PSMD14: variants seen among roughly 807,000 people sequenced by gnomAD.
PSMD14 encodes the protein proteasome 26S subunit, non-ATPase 14, also known as ubiquitin C-terminal hydrolase PSMD14.
A neutral mutation model predicts 41.2 loss-of-function variants in PSMD14; 7 were observed. That is an observed-to-expected ratio of 0.17 (90% CI 0.10 to 0.32). PSMD14 has a LOEUF of 0.32. Among genes scored for constraint, PSMD14 ranks in the 10% least tolerant of loss-of-function variants. The pLI, the probability that PSMD14 is intolerant of heterozygous loss-of-function variation, is 1.00. For synonymous variants in PSMD14, 114 were observed against 122.3 expected, an observed-to-expected ratio of 0.93 and a Z score of 0.45; for missense variants, 139 against 375.6, an observed-to-expected ratio of 0.37 and a Z score of 5.21.
At chr2:161,322,710 A>T (rs1286234639) in intron 3 of PSMD14, among the ~76,000 whole-genome samples, 1 of 151,956 alleles carries the variant, frequency 6.6e-6, no homozygotes, top group Admixed American at 6.6e-5. Flanking sequence ...TTTTTAATGG[A>T]GGAATTCACA....
chr2:161,338,453 A>G (rs1432477343), intron 3 of PSMD14, among the ~76,000 whole-genome samples: 1 of 150,700 alleles, frequency 6.6e-6, no homozygotes, highest in East Asian at 1.9e-4. Context: ...GAGCTGCTGT[A>G]CTCATATTAT....
chr2:161,370,062 T>C (rs900696694), intron 5 of PSMD14, 45 bp from the exon 6 acceptor site: 3 of 1,438,196 alleles, frequency 2.1e-6, no homozygotes, highest in Non-Finnish European at 1.9e-6. Context: ...AAGCTTTTTT[T>C]CCAAATTTAC....
intron 7 of PSMD14, among the ~76,000 whole-genome samples, chr2:161,377,547 C>G (rs1350095354): frequency 6.6e-6 from 1 of 151,742 alleles, no homozygotes; most frequent in Non-Finnish European, 1.5e-5. Flanking sequence ...AAATTGTCTG[C>G]TAGGAATGTA....
At chr2:161,325,314 A>T (rs1430453242) in intron 3 of PSMD14, among the ~76,000 whole-genome samples, 2 of 151,760 alleles carry the variant, frequency 1.3e-5, no homozygotes, top group African/African-American at 4.8e-5. Context: ...GTGGCTAGAT[A>T]AAAAAAAATT....
intron 2 of PSMD14, 93 bp from the exon 3 acceptor site, chr2:161,318,729 A>T (rs1041191714): frequency 2.2e-6 from 2 of 900,190 alleles, no homozygotes; most frequent in Admixed American, 2.2e-5. Flanking sequence ...AATATTTTTG[A>T]CATACTGAGT....
chr2:161,358,269 A>G (rs1683234988), intron 3 of PSMD14, among the ~76,000 whole-genome samples: 1 of 152,192 alleles, frequency 6.6e-6, no homozygotes. Flanking sequence ...TAGGACATGT[A>G]TAATTTGTCC....
At position 161,367,801 on chromosome 2, in the gene PSMD14, T is replaced by G; in HGVS notation, c.138T>G (p.Arg46=). The change falls in exon 5 of 12, where the codon CGT becomes CGG. Residue 46 remains arginine (R), a synonymous_variant. Coordinates refer to ENST00000409682, the MANE Select transcript of PSMD14 (RefSeq NM_005805.6). ...TTCTACAGATGTTAAAACATGGCCG[T>G]GCTGGAGTTCCAATGGAAGTTATGG... ...LALLKMLKHG[R]AGVPMEVMGL... is the part of the protein sequence containing the mutation. 6.2e-7 allele frequency: 1 copy of G among 1,613,550 alleles called. No homozygotes were observed.
intron 10 of PSMD14, chr2:161,408,485 A>G: frequency 4.1e-6 from 1 of 245,318 alleles, no homozygotes; most frequent in South Asian, 5.2e-5. Context: ...AGAGCAACAG[A>G]ACAGAATTAG....
chr2:161,310,238 A>T (rs1689073169), intron 1 of PSMD14, among the ~76,000 whole-genome samples: 1 of 152,248 alleles, frequency 6.6e-6, no homozygotes, highest in South Asian at 2.1e-4. Context: ...GTGCTTGTTA[A>T]TATATAGTTT....
intron 7 of PSMD14, among the ~76,000 whole-genome samples, chr2:161,373,575 AATAGT>A (rs1338292419): frequency 1.3e-5 from 2 of 151,928 alleles, no homozygotes; most frequent in Non-Finnish European, 2.9e-5. Flanking sequence ...AAAAATGAAG[AATAGT>A]ATAAGAGTCT....
At chr2:161,389,332 G>A (rs1683675575) in intron 8 of PSMD14, among the ~76,000 whole-genome samples, 1 of 152,168 alleles carries the variant, frequency 6.6e-6, no homozygotes, top group African/African-American at 2.4e-5. Flanking sequence ...GCCAGACTAT[G>A]TCTGCTTAGA....
chr2:161,340,923 T>C, intron 3 of PSMD14: 1 of 1,613,764 alleles, frequency 6.2e-7, no homozygotes, highest in South Asian at 1.1e-5. Context: ...GCCTTCTCCG[T>C]CCTCCTCCTC....
intron 7 of PSMD14, among the ~76,000 whole-genome samples, chr2:161,377,561 A>G (rs1016796413): frequency 6.6e-6 from 1 of 151,932 alleles, no homozygotes; most frequent in Non-Finnish European, 1.5e-5. Context: ...GAATGTAGAA[A>G]TAATTTTACT....
intron 1 of PSMD14, among the ~76,000 whole-genome samples, chr2:161,313,507 G>C (rs1279714099): frequency 6.6e-6 from 1 of 152,076 alleles, no homozygotes; most frequent in African/African-American, 2.4e-5. Context: ...ATGCCACTAT[G>C]TCTGGCTAAT....
chr2:161,411,269 C>G, intron 11 of PSMD14, 33 bp from the exon 12 acceptor site: 1 of 1,456,162 alleles, frequency 6.9e-7, no homozygotes, highest in Non-Finnish European at 9.4e-7. Context: ...TAATATGGTT[C>G]TGTTTTCTCT....
rs746217161 is a variant in PSMD14, at chr2:161,411,391, A to G, written c.924A>G (p.Val308=). The G allele has an allele frequency of 6.2e-7, 1 of 1,603,838 alleles. No homozygotes were observed. Among genetic ancestry groups the G allele is most frequent in the South Asian group, 1.1e-5 (1 of 90,056 alleles). ...TAGCAGCTATGTTGGATACTGTCGT[A>G]TTTAAATAAAGCAACGAAAAACGCT... The part of the protein sequence containing the change: ...QCLAAMLDTV[V]FK Residue 308 remains valine, a synonymous_variant, in exon 12 of 12, where the codon GTA becomes GTG. Coordinates refer to ENST00000409682, the MANE Select transcript of PSMD14 (RefSeq NM_005805.6).
chr2:161,313,266 A>G (rs1278414393), intron 1 of PSMD14, among the ~76,000 whole-genome samples: 2 of 152,230 alleles, frequency 1.3e-5, no homozygotes, highest in African/African-American at 4.8e-5. Context: ...AGTAGACCAT[A>G]AAAGGATAGT....
intron 10 of PSMD14, among the ~76,000 whole-genome samples, chr2:161,402,898 T>C (rs1480519942): frequency 3.3e-5 from 5 of 152,108 alleles, no homozygotes; most frequent in African/African-American, 1.2e-4. Flanking sequence ...ATCAAAATAA[T>C]GAAAAATAAC....
intron 7 of PSMD14, chr2:161,384,274 A>AT (rs1223777825): frequency 6.6e-6 from 1 of 151,598 alleles, no homozygotes. Context: ...CTAGGTTTGT[A>AT]TTTTTTGTTA....
Sources: allele counts gnomAD v4.1 joint callset (sites outside exome capture counted in the v4.1 genomes callset), GRCh38; gene constraint gnomAD v4.1.1; transcripts MANE v1.5; gene names NCBI Gene and HGNC (gene_info 2026-07-23, HGNC 2026-07-21).